The following EXOC6B variants were observed in gnomAD, a reference collection of about 807,000 sequenced individuals.
EXOC6B encodes exocyst complex component 6B, also known as SEC15 homolog B.
EXOC6B carries 54 observed loss-of-function variants against 113.5 expected under a neutral mutation model. The ratio of observed to expected loss-of-function variants is 0.48; its 90% CI spans 0.38 to 0.60. The LOEUF is 0.60. EXOC6B is among the 20% of genes least tolerant of loss of function. The probability of loss-of-function intolerance (pLI) is 0.00; values close to 1 mark genes in which losing one functional copy is unlikely to be tolerated. For missense variants in EXOC6B, 797 were observed against 977.5 expected (o/e 0.82, Z 2.46); for synonymous variants, 357 against 339.0 (o/e 1.05, Z -0.58).
At chr2:72,659,263 G>A (rs1196020051) in intron 6 of EXOC6B, among the ~76,000 whole-genome samples, 1 of 152,058 alleles carries the variant, frequency 6.6e-6, no homozygotes, top group Non-Finnish European at 1.5e-5. Flanking sequence ...ACTCTCATGA[G>A]ATCTCTAGCA....
At chr2:72,568,110 T>C (rs752804455) in intron 7 of EXOC6B, among the ~76,000 whole-genome samples, 3 of 152,008 alleles carry the variant, frequency 2.0e-5, no homozygotes, top group Non-Finnish European at 4.4e-5. Context: ...CCAGATGTGA[T>C]GCAATGAAAT....
intron 17 of EXOC6B, among the ~76,000 whole-genome samples, chr2:72,477,454 C>T (rs1429463314): frequency 6.6e-6 from 1 of 152,242 alleles, no homozygotes; most frequent in Non-Finnish European, 1.5e-5. Flanking sequence ...ACCTCTACCA[C>T]TCTAGTCCAA....
chr2:72,789,428 T>A (rs557036760), intron 1 of EXOC6B, among the ~76,000 whole-genome samples: 1 of 152,196 alleles, frequency 6.6e-6, no homozygotes, highest in Non-Finnish European at 1.5e-5. Flanking sequence ...TGGTGGTTTG[T>A]TGGAGCACAG....
chr2:72,637,172 C>A (rs1471230182), intron 6 of EXOC6B, among the ~76,000 whole-genome samples: 2 of 151,708 alleles, frequency 1.3e-5, no homozygotes, highest in Non-Finnish European at 2.9e-5. Flanking sequence ...AGTCAAAAAC[C>A]AAAATGAAAA....
intron 18 of EXOC6B, among the ~76,000 whole-genome samples, chr2:72,405,486 A>C (rs568768047): frequency 1.2e-4 from 18 of 152,374 alleles, no homozygotes; most frequent in African/African-American, 4.3e-4. Context: ...GAAGCCCATC[A>C]GACTAGTTGC....
chr2:72,248,832 A>G (rs890518544), intron 20 of EXOC6B, among the ~76,000 whole-genome samples: 1 of 152,238 alleles, frequency 6.6e-6, no homozygotes, highest in Non-Finnish European at 1.5e-5. Flanking sequence ...GAAAAATAGG[A>G]AAGAAAAACA....
chr2:72,274,750 T>C (rs1280305473), intron 20 of EXOC6B, among the ~76,000 whole-genome samples: 1 of 152,164 alleles, frequency 6.6e-6, no homozygotes, highest in Non-Finnish European at 1.5e-5. Context: ...CCATTTTGGA[T>C]TATTATTCTT....
At chr2:72,331,395 G>A (rs1387863093) in intron 20 of EXOC6B, among the ~76,000 whole-genome samples, 1 of 151,986 alleles carries the variant, frequency 6.6e-6, no homozygotes, top group African/African-American at 2.4e-5. Flanking sequence ...CCATGCCACT[G>A]TTTAAAGAAT....
intron 21 of EXOC6B, 45 bp from the exon 22 acceptor site, chr2:72,179,506 A>G (rs757496624): frequency 6.2e-7 from 1 of 1,612,142 alleles, no homozygotes; most frequent in East Asian, 2.2e-5. Flanking sequence ...TTGAGGAAAC[A>G]ATGGTGGAAG....
At chr2:72,754,779 A>G (rs1682297654) in intron 1 of EXOC6B, among the ~76,000 whole-genome samples, 2 of 150,700 alleles carry the variant, frequency 1.3e-5, no homozygotes, top group Non-Finnish European at 3.0e-5. Context: ...ACAAGCAGCT[A>G]ATTTTTTAAA....
At chr2:72,667,966 G>T (rs887358615) in intron 6 of EXOC6B, among the ~76,000 whole-genome samples, 2 of 152,068 alleles carry the variant, frequency 1.3e-5, no homozygotes, top group African/African-American at 4.8e-5. Flanking sequence ...CACCAACTAT[G>T]CATCCAACAA....
Position 72,409,914 on chromosome 2 carries a change from A to G in EXOC6B, c.1981-30044T>C, listed in dbSNP as rs188014889. Among the ~76,000 whole-genome samples, 287 of 152,216 alleles carry G rather than the reference A, an allele frequency of 1.9e-3. 1 individual carries two copies. The highest frequency in any genetic ancestry group is 6.4e-3 in the African/African-American group (264 of 41,558). On this transcript the variant is annotated intron_variant, in intron 18 of 21. Transcript: ENST00000272427. Reference sequence around the variant, plus strand: ...CAATAAAAAAAACTTAAAAATATAGACATGTTCTGCTCCCTTTGGAACTAA... The same window carrying G: ...CAATAAAAAAAACTTAAAAATATAGGCATGTTCTGCTCCCTTTGGAACTAA...
intron 19 of EXOC6B, among the ~76,000 whole-genome samples, chr2:72,359,516 A>G (rs1690174688): frequency 6.6e-6 from 1 of 152,198 alleles, no homozygotes; most frequent in Admixed American, 6.5e-5. Flanking sequence ...AATTTCTATT[A>G]TTTATAAATT....
chr2:72,456,229 G>A (rs1046485944), intron 18 of EXOC6B, among the ~76,000 whole-genome samples: 3 of 152,118 alleles, frequency 2.0e-5, no homozygotes, highest in Admixed American at 6.6e-5. Flanking sequence ...AGAAACAAGA[G>A]AATATGGAAG....
intron 6 of EXOC6B, among the ~76,000 whole-genome samples, chr2:72,577,465 T>G (rs145817776): frequency 6.6e-6 from 1 of 152,054 alleles, no homozygotes; most frequent in South Asian, 2.1e-4. Flanking sequence ...CCCTTAACTC[T>G]ATCCTCTTGC....
intron 19 of EXOC6B, among the ~76,000 whole-genome samples, chr2:72,362,465 A>G (rs1269047884): frequency 2.0e-5 from 3 of 152,150 alleles, no homozygotes; most frequent in Non-Finnish European, 4.4e-5. Context: ...AGAAATAATT[A>G]TAATTAATTA....
At chr2:72,230,584 T>G (rs537427163) in intron 20 of EXOC6B, among the ~76,000 whole-genome samples, 1 of 152,276 alleles carries the variant, frequency 6.6e-6, no homozygotes, top group South Asian at 2.1e-4. Context: ...AACGACCTGG[T>G]CCATATATTT....
intron 18 of EXOC6B, among the ~76,000 whole-genome samples, chr2:72,409,546 G>A (rs1358273864): frequency 6.6e-6 from 1 of 152,164 alleles, no homozygotes; most frequent in African/African-American, 2.4e-5. Context: ...CATAAAAAAT[G>A]ATGAGTTCAT....
chr2:72,656,939 C>T (rs528970274), intron 6 of EXOC6B, among the ~76,000 whole-genome samples: 127 of 152,204 alleles, frequency 8.3e-4, no homozygotes, highest in South Asian at 2.5e-3. Flanking sequence ...GCAACCTCCA[C>T]CCCCTAGGTT....
Sources: allele counts gnomAD v4.1 joint callset (sites outside exome capture counted in the v4.1 genomes callset), GRCh38; gene constraint gnomAD v4.1.1; transcripts MANE v1.5; gene names NCBI Gene and HGNC (gene_info 2026-07-23, HGNC 2026-07-21).